The following TNKS2 variants were observed in gnomAD, a reference collection of about 807,000 sequenced individuals.
The protein encoded by TNKS2 is poly [ADP-ribose] polymerase tankyrase-2.
In TNKS2, 72 loss-of-function variants were observed where a neutral mutation model predicts 137.6. That is an observed-to-expected ratio of 0.52 (90% CI 0.43 to 0.64). The LOEUF (loss-of-function observed/expected upper bound fraction) is 0.64. Ranked by LOEUF, TNKS2 falls within the 30% of genes least tolerant of loss-of-function variation. The pLI, the probability that TNKS2 is intolerant of heterozygous loss-of-function variation, is 0.00. For missense variants in TNKS2, 1,049 were observed against 1,410.2 expected (o/e 0.74, Z 4.10); for synonymous variants, 516 against 512.1 (o/e 1.01, Z -0.10).
intron 1 of TNKS2, among the ~76,000 whole-genome samples, chr10:91,804,050 ATAT>A (rs10565888): frequency 0.071 from 10,739 of 152,134 alleles, 1,249 homozygotes; most frequent in African/African-American, 0.25. Flanking sequence ...GCAAAATGTG[ATAT>A]TATTAACAAT....
intron 11 of TNKS2, among the ~76,000 whole-genome samples, chr10:91,831,891 A>G (rs986250985): frequency 2.0e-5 from 3 of 152,212 alleles, no homozygotes; most frequent in African/African-American, 4.8e-5. Flanking sequence ...CTTTAGTTGA[A>G]ATTCAGTATA....
intron 11 of TNKS2, among the ~76,000 whole-genome samples, chr10:91,833,198 C>T (rs947609717): frequency 2.6e-5 from 4 of 152,134 alleles, no homozygotes; most frequent in African/African-American, 9.7e-5. Flanking sequence ...AGTCCCAGGC[C>T]GTCTCCACTT....
At chr10:91,855,463 G>A (rs1231903603) in intron 22 of TNKS2, 151 bp from the exon 23 acceptor site, 1 of 706,712 alleles carries the variant, frequency 1.4e-6, no homozygotes, top group African/African-American at 1.9e-5. Flanking sequence ...GGGGCACCAT[G>A]CCCAGCCCTC....
chr10:91,805,165 A>G (rs527567422), intron 1 of TNKS2, among the ~76,000 whole-genome samples: 1 of 151,916 alleles, frequency 6.6e-6, no homozygotes, highest in South Asian at 2.1e-4. Flanking sequence ...AATTTCCTTT[A>G]AGTGCCCAAG....
At chr10:91,855,213 G>A in intron 22 of TNKS2, 87 bp downstream of exon 22, 1 of 840,996 alleles carries the variant, frequency 1.2e-6, no homozygotes, top group Non-Finnish European at 1.9e-6. Context: ...CCTTTAGTTT[G>A]CATTATATAA....
At chr10:91,858,211 T>C (rs1842760296) in intron 24 of TNKS2, among the ~76,000 whole-genome samples, 4 of 152,114 alleles carry the variant, frequency 2.6e-5, no homozygotes, top group Admixed American at 2.6e-4. Flanking sequence ...ACCTGTAAAG[T>C]TCTCTAAAAC....
intron 16 of TNKS2, among the ~76,000 whole-genome samples, chr10:91,843,978 A>G (rs1005714540): frequency 1.3e-5 from 2 of 152,254 alleles, no homozygotes; most frequent in African/African-American, 4.8e-5. Context: ...CACAAATGCT[A>G]ACATGGTGAG....
At chr10:91,809,818 A>G (rs1407565135) in intron 1 of TNKS2, among the ~76,000 whole-genome samples, 1 of 152,166 alleles carries the variant, frequency 6.6e-6, no homozygotes, top group African/African-American at 2.4e-5. Context: ...TAAAGAAAAA[A>G]AAAGGCAAAT....
intron 11 of TNKS2, among the ~76,000 whole-genome samples, chr10:91,833,132 G>A (rs974558572): frequency 6.6e-6 from 1 of 152,108 alleles, no homozygotes; most frequent in African/African-American, 2.4e-5. Context: ...ATACACCTAT[G>A]TAACCAAAAC....
intron 13 of TNKS2, 65 bp from the exon 14 acceptor site, chr10:91,840,495 AT>A: frequency 7.0e-7 from 1 of 1,436,020 alleles, no homozygotes. Context: ...TTCCTACTAA[AT>A]GACTTGAAAC....
intron 2 of TNKS2, among the ~76,000 whole-genome samples, chr10:91,813,712 G>A (rs1266787639): frequency 6.6e-6 from 1 of 152,202 alleles, no homozygotes; most frequent in African/African-American, 2.4e-5. Flanking sequence ...AGGGAACACT[G>A]TGATAAGAGT....
In TNKS2 at chr10:91,845,735, G is replaced by A; in HGVS notation, c.2170-17G>A. The A allele has an allele frequency of 6.8e-7, 1 of 1,467,878 alleles. No homozygotes were observed. The highest frequency in any genetic ancestry group is 2.1e-5 in the Admixed American group (1 of 47,460). The allele number at this position is 1,467,878 out of a possible 1,614,324, so 90.9% of individuals were successfully genotyped here. On this transcript the variant is annotated splice_polypyrimidine_tract_variant and intron_variant, in intron 17 of 26. Transcript: ENST00000371627. ...CAAAATAATATTTCAGACTGTAACG[G>A]GTATTTTCTTTTACAGCATGTAGAT...
rs915081177 is a variant in TNKS2 at position 91,864,854 on chromosome 10, A to G, written c.*1855A>G. 2.6e-5 allele frequency: 4 copies of G among 152,632 alleles called. No homozygotes were observed. Among genetic ancestry groups the G allele is most frequent in the African/African-American group, 9.7e-5 (4 of 41,450 alleles). 9.5% of individuals were successfully genotyped at this position (152,632 alleles called of 1,614,324 possible). On this transcript the variant is annotated 3_prime_UTR_variant, in exon 27 of 27. Transcript: ENST00000371627. Reference sequence around the variant, plus strand: ...TTTATATTTACATTATCTCTCAACTATGTAGCCCATATTACTCACCCTATG... The same window carrying G: ...TTTATATTTACATTATCTCTCAACTGTGTAGCCCATATTACTCACCCTATG...
Position 91,851,260 on chromosome 10 carries a change from G to A in TNKS2, c.2739G>A (p.Lys913=), listed in dbSNP as rs1211807029. 1 of 1,613,390 alleles carries A rather than the reference G, an allele frequency of 6.2e-7. No individual in the cohort carries two copies. Among genetic ancestry groups the A allele is most frequent in the Admixed American group, 1.7e-5 (1 of 59,884 alleles). The change falls in exon 21 of 27, where the codon AAG becomes AAA. Residue 913 remains lysine (K), a synonymous_variant. Coordinates refer to ENST00000371627, the MANE Select transcript of TNKS2 (RefSeq NM_025235.4). ...TTGAGATGGGGCACAAGGAGCTGAAGGAGATTGGAATCAATGCTTATGGAC... is the reference window on the plus strand; with the variant it reads ...TTGAGATGGGGCACAAGGAGCTGAAAGAGATTGGAATCAATGCTTATGGAC... ...VLVEMGHKEL[K]EIGINAYGHR...
At chr10:91,849,410 T>G in intron 19 of TNKS2, 102 bp from the exon 20 acceptor site, 2 of 834,636 alleles carry the variant, frequency 2.4e-6, no homozygotes, top group Non-Finnish European at 3.6e-6. Context: ...TTAATATTAT[T>G]TTCTTCATAT....
chr10:91,856,885 G>C (rs1021273771), intron 23 of TNKS2, among the ~76,000 whole-genome samples: 9 of 151,786 alleles, frequency 5.9e-5, no homozygotes, highest in African/African-American at 2.2e-4. Context: ...TGTGAATTTT[G>C]TTCCTAGAAA....
Position 91,813,124 on chromosome 10 carries a change from G to T in TNKS2, c.341G>T (p.Gly114Val), listed in dbSNP as rs375628632. 6.2e-7 allele frequency: 1 copy of T among 1,613,972 alleles called. No individual in the cohort carries two copies. The highest frequency in any genetic ancestry group is 8.5e-7 in the Non-Finnish European group (1 of 1,180,038). The change falls in exon 2 of 27, where the codon GGT becomes GTT. Residue 114 changes from glycine (G) to valine (V), a missense_variant. Around this residue, in one of 6 missense-constraint regions of TNKS2, gnomAD observed 374 missense variants for 460.8 expected, o/e 0.81. Coordinates refer to ENST00000371627, the MANE Select transcript of TNKS2 (RefSeq NM_025235.4). The stretch of plus-strand genomic sequence containing the variant: ...GTAGTCAATCTCCTTTTGCGACATG[G>T]TGCAGACCCCAATGCTCGAGATAAT... ...AEVVNLLLRH[G>V]ADPNARDNWN...
chr10:91,819,199 G>A (rs537989411), intron 3 of TNKS2, 71 bp from the exon 4 acceptor site: 17 of 835,036 alleles, frequency 2.0e-5, no homozygotes, highest in Non-Finnish European at 2.9e-5. Flanking sequence ...AATTCATTGG[G>A]CATCTTTTTG....
intron 8 of TNKS2, 95 bp downstream of exon 8, chr10:91,827,298 AG>A (rs749840947): frequency 8.0e-5 from 89 of 1,109,602 alleles, no homozygotes; most frequent in Non-Finnish European, 1.1e-4. Flanking sequence ...TTTAAATAAT[AG>A]AATATTTTTC....
Sources: allele counts gnomAD v4.1 joint callset (sites outside exome capture counted in the v4.1 genomes callset), GRCh38; gene constraint gnomAD v4.1.1; regional missense constraint gnomAD v4.1.1; transcripts MANE v1.5; gene names NCBI Gene and HGNC (gene_info 2026-07-23, HGNC 2026-07-21).